PUDP: variants seen among roughly 807,000 people sequenced by gnomAD.
PUDP encodes the protein pseudouridine-5'-phosphatase.
PUDP carries 8 observed loss-of-function variants against 9.4 expected under a neutral mutation model. The ratio of observed to expected loss-of-function variants is 0.85; its 90% confidence interval spans 0.50 to 1.53. The LOEUF (loss-of-function observed/expected upper bound fraction) is 1.53. Ranked by LOEUF, PUDP falls within the 40% of genes most tolerant of loss-of-function variation. PUDP has a pLI of 0.00. For missense variants in PUDP, 188 were observed against 189.7 expected (o/e 0.99, Z 0.05); for synonymous variants, 99 against 80.7 (o/e 1.23, Z -1.22).
intron 1 of PUDP, among the ~76,000 whole-genome samples, chrX:7,017,178 T>C (rs1929561867): frequency 8.9e-6 from 1 of 112,229 alleles, no homozygotes; most frequent in African/African-American, 3.2e-5. Flanking sequence ...ATACATGTTA[T>C]TAGTTTCTGA....
At chrX:6,976,876 T>G (rs1928964483) in intron 3 of PUDP, among the ~76,000 whole-genome samples, 1 of 111,921 alleles carries the variant, frequency 8.9e-6, no homozygotes, top group Admixed American at 9.5e-5. Flanking sequence ...GAGGTGAAAC[T>G]CCTCTCCTCT....
rs182816895 is a variant in PUDP, at chrX:6,720,099, T to C, written n.128+1318A>G. ...GATGAATAGATAAAGAAAATGTTTA[T>C]ACATACATATATACATTTATTCATA... On this transcript the variant is annotated intron_variant and non_coding_transcript_variant, in intron 1 of 2. Coordinates refer to the PUDP transcript ENST00000438499. Among the ~76,000 whole-genome samples, 973 of 106,404 alleles carry C rather than the reference T, an allele frequency of 9.1e-3. 13 individuals carry two copies. Among genetic ancestry groups the C allele is most frequent in the African/African-American group, 0.032 (933 of 29,299 alleles). 92.4% of individuals were successfully genotyped at this position (106,404 alleles called of 115,157 possible).
chrX:6,796,948 T>C (rs1925853978), intron 3 of PUDP, among the ~76,000 whole-genome samples: 1 of 112,254 alleles, frequency 8.9e-6, no homozygotes, highest in African/African-American at 3.2e-5. Context: ...TGCCAGATGG[T>C]ATAATTTCTG....
chrX:6,947,462 G>C (rs923169000), intron 3 of PUDP, among the ~76,000 whole-genome samples: 7 of 112,560 alleles, frequency 6.2e-5, no homozygotes, highest in African/African-American at 2.3e-4. Context: ...GTTATTAATT[G>C]AAGTAGTAAC....
intron 1 of PUDP, among the ~76,000 whole-genome samples, chrX:7,130,625 G>A (rs1932595561): frequency 9.0e-6 from 1 of 110,847 alleles, no homozygotes; most frequent in African/African-American, 3.3e-5. Flanking sequence ...ACCAGCTTGG[G>A]CAACATGGCA....
At chrX:7,026,024 G>A (rs1159112368) in intron 1 of PUDP, among the ~76,000 whole-genome samples, 1 of 112,348 alleles carries the variant, frequency 8.9e-6, no homozygotes, top group African/African-American at 3.2e-5. Flanking sequence ...TTAGTGTGTT[G>A]GTCTCCCCCA....
At chrX:7,085,277 C>T (rs765463674) in intron 2 of PUDP, 25 of 112,712 alleles carry the variant, frequency 2.2e-4, no homozygotes, top group Admixed American at 2.2e-3. Context: ...CGTGATCTCA[C>T]AAGGGTACCA....
chrX:7,145,850 CA>C (rs1487271616), intron 1 of PUDP, among the ~76,000 whole-genome samples: 1 of 111,631 alleles, frequency 9.0e-6, no homozygotes, highest in Non-Finnish European at 1.9e-5. Flanking sequence ...AAAATGCATT[CA>C]AAATTCCCGA....
intron 3 of PUDP, among the ~76,000 whole-genome samples, chrX:7,056,387 G>A (rs1192572902): frequency 1.8e-5 from 2 of 111,952 alleles, no homozygotes; most frequent in Non-Finnish European, 3.8e-5. Flanking sequence ...ACATGCTCCC[G>A]GCAGGCCTGC....
chrX:6,720,264 A>ATGTATGTGTGTGTG (rs1569086960), intron 1 of PUDP, among the ~76,000 whole-genome samples: 1 of 83,139 alleles, frequency 1.2e-5, no homozygotes, highest in African/African-American at 4.9e-5. Flanking sequence ...GTGTGTATAT[A>ATGTATGTGTGTGTG]TATATATATA....
At chrX:6,939,612 C>T (rs1020364911) in intron 3 of PUDP, among the ~76,000 whole-genome samples, 2 of 110,066 alleles carry the variant, frequency 1.8e-5, no homozygotes, top group South Asian at 7.5e-4. Context: ...GCTTGTAATT[C>T]CAGCACTTTG....
chrX:6,816,031 TTA>T (rs1446198777), intron 3 of PUDP, among the ~76,000 whole-genome samples: 1 of 106,750 alleles, frequency 9.4e-6, no homozygotes, highest in East Asian at 2.9e-4. Flanking sequence ...TATATAGCTA[TTA>T]TATATAGTAT....
intron 1 of PUDP, among the ~76,000 whole-genome samples, chrX:7,119,609 AAT>A (rs1241047763): frequency 8.9e-6 from 1 of 112,742 alleles, no homozygotes; most frequent in Non-Finnish European, 1.9e-5. Context: ...GATTGCTTAA[AAT>A]AGAGATCTGT....
At chrX:6,829,388 A>T (rs111692520) in intron 3 of PUDP, among the ~76,000 whole-genome samples, 11,441 of 111,482 alleles carry the variant, frequency 0.1, 590 homozygotes, top group African/African-American at 0.2. Flanking sequence ...ATGGAAATTG[A>T]GATTGCTGGA....
intron 1 of PUDP, among the ~76,000 whole-genome samples, chrX:7,023,531 G>C (rs1277101438): frequency 8.9e-6 from 1 of 112,150 alleles, no homozygotes; most frequent in African/African-American, 3.2e-5. Context: ...ATGTTTATTT[G>C]TATGTATTAT....
intron 3 of PUDP, among the ~76,000 whole-genome samples, chrX:6,930,851 T>G (rs1024760804): frequency 9.0e-6 from 1 of 110,649 alleles, no homozygotes; most frequent in Non-Finnish European, 1.9e-5. Context: ...TGCTTTCTTG[T>G]TTGTTTCTCC....
chrX:6,896,091 T>C (rs1403962240), intron 3 of PUDP, among the ~76,000 whole-genome samples: 1 of 112,134 alleles, frequency 8.9e-6, no homozygotes, highest in African/African-American at 3.2e-5. Flanking sequence ...AAGGACCTTT[T>C]CATTAGTGGA....
intron 1 of PUDP, among the ~76,000 whole-genome samples, chrX:7,136,166 T>C (rs762149842): frequency 5.4e-5 from 6 of 111,885 alleles, no homozygotes; most frequent in Admixed American, 9.5e-5. Context: ...GGATTTGTCT[T>C]GCTGTTTCCA....
chrX:7,112,155 A>C (rs1229168196), intron 1 of PUDP, among the ~76,000 whole-genome samples: 1 of 111,692 alleles, frequency 9.0e-6, no homozygotes, highest in South Asian at 3.8e-4. Flanking sequence ...AAAGCTTCTG[A>C]AAACACTGCA....
Sources: allele counts gnomAD v4.1 joint callset (sites outside exome capture counted in the v4.1 genomes callset), GRCh38; gene constraint gnomAD v4.1.1; transcripts MANE v1.5; gene names NCBI Gene and HGNC (gene_info 2026-07-23, HGNC 2026-07-21).